IGSF3: variants seen among roughly 807,000 people sequenced by gnomAD.
IGSF3 encodes the protein glu-Trp-Ile EWI motif-containing protein 3.
Under a neutral mutation model 114.4 loss-of-function variants are expected in IGSF3, and 23 were observed. That is an observed-to-expected ratio of 0.20 (90% confidence interval 0.14 to 0.28). IGSF3 has a LOEUF of 0.28. IGSF3 is among the 10% of genes least tolerant of loss of function. The probability of loss-of-function intolerance (pLI) is 1.00; values close to 1 mark genes in which losing one functional copy is unlikely to be tolerated. For synonymous variants in IGSF3, 571 were observed against 645.2 expected, an observed-to-expected ratio of 0.88 and a Z score of 1.74; for missense variants, 1,172 against 1,591.5, an observed-to-expected ratio of 0.74 and a Z score of 4.48.
At position 116,608,071 on chromosome 1, in the gene IGSF3, G is replaced by A. The variant is rs201314078; in HGVS notation, c.1093C>T (p.His365Tyr). 8.9e-5 allele frequency: 144 copies of A among 1,613,856 alleles called. 1 individual carries two copies. In the Admixed American group the frequency reaches 2.0e-3, roughly 23 times the overall value. The change falls in exon 5 of 11, where the codon CAC (histidine) becomes TAC (tyrosine). Residue 365 changes from histidine (H) to tyrosine (Y), a missense_variant. Physicochemically the swap from His to Tyr is moderately conservative, Grantham distance 83 (BLOSUM62 2). Transcript: ENST00000369486. The stretch of plus-strand genomic sequence containing the variant: ...TTCCCGCTATCTTCCTGGCGGAGGT[G>A]GTAGATCTTCAGCACAAAGACACTG... Reference protein sequence around the residue: ...SDSVFVLKIYHLRQEDSGKYN... With the variant: ...SDSVFVLKIYYLRQEDSGKYN...
At position 116,603,424 on chromosome 1, in the gene IGSF3, A is replaced by G. The variant is rs1660674039; in HGVS notation, c.1624+200T>C. ...CCCCATCATCCACTGTGGGTCCCTC[A>G]GTCCCTGCTAGCACTATCTTAATTA... On this transcript the variant is annotated intron_variant, in intron 6 of 10. Coordinates refer to ENST00000369486, the MANE Select transcript of IGSF3 (RefSeq NM_001007237.3). This position sits in a 1 kb window ranked among gnomAD's most constrained non-coding sequence, Gnocchi z 7.1. Among the ~76,000 whole-genome samples the G allele has an allele frequency of 6.6e-6, 1 of 152,212 alleles. No homozygotes were observed. The highest frequency in any genetic ancestry group is 1.5e-5 in the Non-Finnish European group (1 of 68,036).
chr1:116,594,320 T>C lies in IGSF3; in HGVS notation c.2030-5216A>G, dbSNP rs1660250151. Among the ~76,000 whole-genome samples the C allele has an allele frequency of 6.6e-6, 1 of 152,214 alleles. No homozygotes were observed. The highest frequency in any genetic ancestry group is 1.5e-5 in the Non-Finnish European group (1 of 68,034). On this transcript the variant is annotated intron_variant, in intron 7 of 10. Coordinates refer to ENST00000369486, the MANE Select transcript of IGSF3 (RefSeq NM_001007237.3). The surrounding 1 kb of genome is among the most constrained non-coding windows in gnomAD (Gnocchi z 5.2). ...TCTTTATCCCACAACTAGGACAATA[T>C]AGCAAATTTTAAAGATATGATTAGG...
At chr1:116,587,489 T>G (rs779973662) in intron 8 of IGSF3, among the ~76,000 whole-genome samples, 6 of 130,200 alleles carry the variant, frequency 4.6e-5, no homozygotes, top group Non-Finnish European at 7.1e-5. Context: ...GAACAATAAG[T>G]ACAAAGGCCT....
chr1:116,604,152 A>C, intron 5 of IGSF3, 127 bp from the exon 6 acceptor site: 1 of 844,772 alleles, frequency 1.2e-6, no homozygotes, highest in East Asian at 2.7e-5. Context: ...AGAGGGTCAA[A>C]AACACTCTGA....
chr1:116,631,461 G>A (rs1199795365), intron 2 of IGSF3, among the ~76,000 whole-genome samples: 2 of 152,160 alleles, frequency 1.3e-5, no homozygotes, highest in Admixed American at 6.5e-5. Context: ...AAGGGGCCCT[G>A]GCAGAAGATT....
chr1:116,648,650 A>G lies in IGSF3; in HGVS notation c.43+17634T>C, dbSNP rs954706518. Among the ~76,000 whole-genome samples, 10 of 152,314 alleles carry G rather than the reference A, an allele frequency of 6.6e-5. No homozygotes were observed. The highest frequency in any genetic ancestry group is 2.4e-4 in the African/African-American group (10 of 41,558). ...TCCGGACTGCTTGCAGAAAAGGCAC[A>G]TTTTGACTCTTCTGAGAGTGGGAAA... is the stretch of plus-strand genomic sequence containing the variant. On this transcript the variant is annotated intron_variant, in intron 2 of 10. Coordinates refer to ENST00000369486, the MANE Select transcript of IGSF3 (RefSeq NM_001007237.3). The surrounding 1 kb of genome is among the most constrained non-coding windows in gnomAD (Gnocchi z 4.7).
chr1:116,604,777 C>T (rs1271510088), intron 5 of IGSF3, among the ~76,000 whole-genome samples: 1 of 152,192 alleles, frequency 6.6e-6, no homozygotes, highest in Non-Finnish European at 1.5e-5. Flanking sequence ...GATTCCACTC[C>T]CTTCCCTGTC....
chr1:116,639,251 C>G (rs1647971338), intron 2 of IGSF3, among the ~76,000 whole-genome samples: 1 of 152,280 alleles, frequency 6.6e-6, no homozygotes, highest in East Asian at 1.9e-4. Flanking sequence ...GGAGGGTGGA[C>G]AGAGATGGGT....
Position 116,594,081 on chromosome 1 carries a change from G to GT in IGSF3, c.2030-4978dup, listed in dbSNP as rs1024531747. Among the ~76,000 whole-genome samples the GT allele has an allele frequency of 1.3e-5, 2 of 152,144 alleles. No homozygotes were observed. The highest frequency in any genetic ancestry group is 2.9e-5 in the Non-Finnish European group (2 of 68,018). ...GTCAGTCAAGAGAGGATTTTCCTTT[G>GT]TTTTGTTCAGAATTGTAGCAAGAGT... On this transcript the variant is annotated intron_variant, in intron 7 of 10. Transcript: ENST00000369486. This position sits in a 1 kb window ranked among gnomAD's most constrained non-coding sequence, Gnocchi z 5.2.
In IGSF3 at chr1:116,585,074, G is replaced by A. The variant is rs780496270; in HGVS notation, c.2441-22C>T. The A allele has an allele frequency of 4.2e-5, 63 of 1,501,778 alleles. No homozygotes were observed. The Admixed American group carries it at 6.1e-4, about 15-fold the overall frequency. 93.0% of individuals were successfully genotyped at this position (1,501,778 alleles called of 1,614,324 possible). ...CTGTCTGGAACAGTAAGGAAGAGAC[G>A]TCAGCGACAAAAGGACAACAAGCAA... On this transcript the variant is annotated intron_variant, in intron 8 of 10. Coordinates refer to ENST00000369486, the MANE Select transcript of IGSF3 (RefSeq NM_001007237.3). This position sits in a 1 kb window ranked among gnomAD's most constrained non-coding sequence, Gnocchi z 4.9.
rs1156959135 is a variant in IGSF3 at position 116,598,789 on chromosome 1, T to G, written c.2029+1152A>C. Among the ~76,000 whole-genome samples, 3 of 152,194 alleles carry G rather than the reference T, an allele frequency of 2.0e-5. No individual in the cohort carries two copies. The highest frequency in any genetic ancestry group is 7.2e-5 in the African/African-American group (3 of 41,440). ...GAACACGGGAGCCTACTGCCTGGGC[T>G]CCACCCTCCACCAGCTTCTAACCTG... On this transcript the variant is annotated intron_variant, in intron 7 of 10. Coordinates refer to ENST00000369486, the MANE Select transcript of IGSF3 (RefSeq NM_001007237.3). This position sits in a 1 kb window ranked among gnomAD's most constrained non-coding sequence, Gnocchi z 4.3.
Position 116,585,027 on chromosome 1 carries a change from G to GA in IGSF3, c.2465_2466insT (p.Gln823ProfsTer41). 1 of 1,547,486 alleles carries GA rather than the reference G, an allele frequency of 6.5e-7. No individual in the cohort carries two copies. The highest frequency in any genetic ancestry group is 8.7e-7 in the Non-Finnish European group (1 of 1,143,086). On this transcript the variant is annotated frameshift_variant, in exon 9 of 11. Transcript: ENST00000369486. LOFTEE classifies it high-confidence loss of function. This position sits in a 1 kb window ranked among gnomAD's most constrained non-coding sequence, Gnocchi z 4.9. The stretch of plus-strand genomic sequence containing the variant: ...TCTCCAGAACCGACAGGTTCCCCTG[G>GA]GCTTGGCTGAGCCTCAGGCGGCTGT...
intron 7 of IGSF3, 87 bp downstream of exon 7, chr1:116,599,854 C>T (rs111291035): frequency 1.9e-4 from 228 of 1,217,370 alleles, no homozygotes; most frequent in Middle Eastern, 1.1e-3. Context: ...GGGGAAGTGA[C>T]GCTAAGGGCT....
chr1:116,651,982 T>C lies in IGSF3; in HGVS notation c.43+14302A>G, dbSNP rs1006983045. ...TATAGCAGAACACATCATATATTTG[T>C]TAAATGTATTGATTAGTGTTACAAC... On this transcript the variant is annotated intron_variant, in intron 2 of 10. Transcript: ENST00000369486. The surrounding 1 kb of genome is among the most constrained non-coding windows in gnomAD (Gnocchi z 4.4). Among the ~76,000 whole-genome samples, 5 of 152,218 alleles carry C rather than the reference T, an allele frequency of 3.3e-5. No individual in the cohort carries two copies. Among genetic ancestry groups the C allele is most frequent in the Non-Finnish European group, 7.3e-5 (5 of 68,048 alleles).
intron 2 of IGSF3, among the ~76,000 whole-genome samples, chr1:116,630,070 G>A (rs1309013699): frequency 6.6e-6 from 1 of 152,200 alleles, no homozygotes; most frequent in Non-Finnish European, 1.5e-5. Context: ...ATACAGCATG[G>A]GGCCATTTCT....
rs776494430 is a variant in IGSF3, at chr1:116,603,851, T to C, written c.1397A>G (p.Asp466Gly). The change falls in exon 6 of 11, where the codon GAT becomes GGT. Residue 466 changes from aspartate to glycine, a missense_variant. Asp to Gly is a moderately conservative substitution (Grantham distance 94). Coordinates refer to ENST00000369486, the MANE Select transcript of IGSF3 (RefSeq NM_001007237.3). The surrounding 1 kb of genome is among the most constrained non-coding windows in gnomAD (Gnocchi z 7.1). Reference sequence around the variant, plus strand: ...GGACGAGCCTGGCTGCACGGTGCCATCCCGGTCTAGCCACATGATATTGCT... The same window carrying C: ...GGACGAGCCTGGCTGCACGGTGCCACCCCGGTCTAGCCACATGATATTGCT... ...RRSNIMWLDR[D>G]GTVQPGSSYW... The C allele has an allele frequency of 1.2e-6, 2 of 1,613,968 alleles. No homozygotes were observed. Among genetic ancestry groups the C allele is most frequent in the Non-Finnish European group, 1.7e-6 (2 of 1,179,896 alleles).
chr1:116,587,767 C>T (rs1429476161), intron 8 of IGSF3, among the ~76,000 whole-genome samples: 2 of 152,136 alleles, frequency 1.3e-5, no homozygotes, highest in Non-Finnish European at 2.9e-5. Flanking sequence ...AGGAAAAACA[C>T]ATTTCAGACA....
chr1:116,593,017 TG>T lies in IGSF3; in HGVS notation c.2030-3914del, dbSNP rs1332140439. Among the ~76,000 whole-genome samples the T allele has an allele frequency of 6.6e-6, 1 of 152,200 alleles. No homozygotes were observed. The highest frequency in any genetic ancestry group is 1.5e-5 in the Non-Finnish European group (1 of 68,036). ...GAGGAAAAAGATGACAACTACCCTG[TG>T]CACTCTATTCAAGGAGGAGCAAGTG... is the stretch of plus-strand genomic sequence containing the variant. On this transcript the variant is annotated intron_variant, in intron 7 of 10. Coordinates refer to ENST00000369486, the MANE Select transcript of IGSF3 (RefSeq NM_001007237.3). This position sits in a 1 kb window ranked among gnomAD's most constrained non-coding sequence, Gnocchi z 4.5.
chr1:116,608,853 C>T (rs1003096972), intron 4 of IGSF3, among the ~76,000 whole-genome samples: 1 of 152,090 alleles, frequency 6.6e-6, no homozygotes, highest in Non-Finnish European at 1.5e-5. Context: ...TATTAAAATT[C>T]CCTCTCTACC....
Sources: allele counts gnomAD v4.1 joint callset (sites outside exome capture counted in the v4.1 genomes callset), GRCh38; gene constraint gnomAD v4.1.1; non-coding constraint Gnocchi (gnomAD v3.1); transcripts MANE v1.5; gene names NCBI Gene and HGNC (gene_info 2026-07-23, HGNC 2026-07-21).